Variants in SOX6 observed in about 807,000 individuals in gnomAD.
SOX6 encodes transcription factor SOX-6.
SOX6 carries 11 observed loss-of-function variants against 97.8 expected under a neutral mutation model. The observed-to-expected ratio is 0.11, with a 90% CI of 0.07 to 0.19. The LOEUF (loss-of-function observed/expected upper bound fraction) is 0.19. Ranked by LOEUF, SOX6 falls within the 10% of genes least tolerant of loss-of-function variation. The pLI, the probability that SOX6 is intolerant of heterozygous loss-of-function variation, is 1.00. For synonymous variants in SOX6, 360 were observed against 371.4 expected, an observed-to-expected ratio of 0.97 and a Z score of 0.35; for missense variants, 810 against 1,039.5, an observed-to-expected ratio of 0.78 and a Z score of 3.04.
At chr11:16,337,984 T>C (rs1273806088) in intron 2 of SOX6, among the ~76,000 whole-genome samples, 1 of 152,074 alleles carries the variant, frequency 6.6e-6, no homozygotes, top group Non-Finnish European at 1.5e-5. Flanking sequence ...TCACCTTCTC[T>C]GACAGAAAAC....
At chr11:16,205,949 A>G (rs912045311) in intron 4 of SOX6, among the ~76,000 whole-genome samples, 1 of 152,102 alleles carries the variant, frequency 6.6e-6, no homozygotes, top group Non-Finnish European at 1.5e-5. Flanking sequence ...TGCTAGAAAT[A>G]GTCCTTTAGT....
At chr11:16,040,256 A>G (rs1488419887) in intron 12 of SOX6, among the ~76,000 whole-genome samples, 1 of 152,066 alleles carries the variant, frequency 6.6e-6, no homozygotes, top group African/African-American at 2.4e-5. Context: ...ATAAATTCTC[A>G]CCATTTTTTT....
intron 1 of SOX6, among the ~76,000 whole-genome samples, chr11:16,461,014 C>G (rs1339544499): frequency 6.6e-6 from 1 of 152,010 alleles, no homozygotes; most frequent in Non-Finnish European, 1.5e-5. Flanking sequence ...AAAACTGTGT[C>G]TTTTTCCCAG....
intron 2 of SOX6, among the ~76,000 whole-genome samples, chr11:16,733,520 T>C (rs1245451123): frequency 1.3e-5 from 2 of 150,080 alleles, no homozygotes; most frequent in East Asian, 2.0e-4. Flanking sequence ...TAAGCGGCAG[T>C]TGAACAATGA....
chr11:16,469,549 T>C lies in SOX6; in HGVS notation c.-5+6766A>G, dbSNP rs181138474. On this transcript the variant is annotated intron_variant, in intron 1 of 15. Transcript: ENST00000396356. ...TGAAGACTGAAAGATAAAACTCAGCTATACTGGAAAAACCAGAATTCCTCT... is the reference window on the plus strand; with the variant it reads ...TGAAGACTGAAAGATAAAACTCAGCCATACTGGAAAAACCAGAATTCCTCT... Among the ~76,000 whole-genome samples, 15 of 152,244 alleles carry C rather than the reference T, an allele frequency of 9.9e-5. No homozygotes were observed. The East Asian group carries it at 2.9e-3, about 29-fold the overall frequency.
chr11:16,493,498 T>C (rs1298112514), intron 4 of SOX6, among the ~76,000 whole-genome samples: 1 of 151,214 alleles, frequency 6.6e-6, no homozygotes, highest in Non-Finnish European at 1.5e-5. Context: ...GGAAGGGGAG[T>C]AGTGGTTGGT....
chr11:16,381,543 A>AT (rs1214452412), intron 1 of SOX6, among the ~76,000 whole-genome samples: 1 of 151,868 alleles, frequency 6.6e-6, no homozygotes, highest in African/African-American at 2.4e-5. Flanking sequence ...CTCTGCTGCA[A>AT]TTTTTTAAGT....
At chr11:16,328,153 C>T (rs1043283011) in intron 2 of SOX6, among the ~76,000 whole-genome samples, 2 of 152,132 alleles carry the variant, frequency 1.3e-5, no homozygotes, top group Non-Finnish European at 2.9e-5. Flanking sequence ...CTACAACAAA[C>T]TTCTGCTTCT....
chr11:16,375,296 G>A (rs1857615395), intron 1 of SOX6, among the ~76,000 whole-genome samples: 1 of 152,058 alleles, frequency 6.6e-6, no homozygotes, highest in Non-Finnish European at 1.5e-5. Flanking sequence ...AATCTCTCCA[G>A]TTGAAATCAG....
intron 1 of SOX6, among the ~76,000 whole-genome samples, chr11:16,377,748 A>T (rs933398785): frequency 3.3e-5 from 5 of 152,178 alleles, no homozygotes; most frequent in African/African-American, 1.2e-4. Context: ...CTAGAAATTC[A>T]ACAATTTCGA....
At position 16,044,966 on chromosome 11, in the gene SOX6, GTCTATCTA is replaced by G. The variant is rs67426027; in HGVS notation, c.1623+1540_1623+1547del. On this transcript the variant is annotated intron_variant, in intron 12 of 15. Transcript: ENST00000683767. Reference sequence around the variant, plus strand: ...TATCTATCTATCTATCTGTCTATCTGTCTATCTATCTATCTATCTATCTATCATCTATG... The same window carrying G: ...TATCTATCTATCTATCTGTCTATCTGTCTATCTATCTATCTATCATCTATG... 1.5e-3 allele frequency among the ~76,000 whole-genome samples: 227 copies of G among 151,274 alleles called. 1 individual carries two copies. Among genetic ancestry groups the G allele is most frequent in the African/African-American group, 4.9e-3 (201 of 41,124 alleles).
chr11:16,169,194 T>C (rs1252838201), intron 6 of SOX6, among the ~76,000 whole-genome samples: 6 of 152,168 alleles, frequency 3.9e-5, no homozygotes, highest in Admixed American at 3.9e-4. Context: ...GAGCCCTTCA[T>C]TTATAGATAA....
At chr11:16,659,762 G>A (rs1383066684) in intron 3 of SOX6, among the ~76,000 whole-genome samples, 1 of 152,030 alleles carries the variant, frequency 6.6e-6, no homozygotes, top group Non-Finnish European at 1.5e-5. Context: ...TCTGGGCCTG[G>A]TACTTTGTAT....
chr11:16,640,888 G>A (rs1223305990), intron 3 of SOX6, among the ~76,000 whole-genome samples: 1 of 152,108 alleles, frequency 6.6e-6, no homozygotes, highest in South Asian at 2.1e-4. Flanking sequence ...TTTTTTAAGG[G>A]TTTTTTGTGT....
chr11:16,029,264 T>C (rs1590142191), intron 12 of SOX6, among the ~76,000 whole-genome samples: 1 of 152,164 alleles, frequency 6.6e-6, no homozygotes, highest in African/African-American at 2.4e-5. Context: ...TAACAGCACT[T>C]CTGCCCAGAT....
chr11:16,079,663 T>C (rs962912310), intron 9 of SOX6, among the ~76,000 whole-genome samples: 3 of 152,164 alleles, frequency 2.0e-5, no homozygotes, highest in African/African-American at 7.2e-5. Flanking sequence ...ACAAGAAATA[T>C]AAAATATCGT....
At chr11:16,504,578 G>A (rs1482800797) in intron 4 of SOX6, among the ~76,000 whole-genome samples, 1 of 150,196 alleles carries the variant, frequency 6.7e-6, no homozygotes, top group Non-Finnish European at 1.5e-5. Context: ...AAAAAAAAAT[G>A]AAGAGGACAC....
chr11:16,055,036 T>C (rs1468931758), intron 10 of SOX6, among the ~76,000 whole-genome samples: 1 of 152,134 alleles, frequency 6.6e-6, no homozygotes, highest in African/African-American at 2.4e-5. Context: ...CTATCACAAC[T>C]ATATGGCATC....
chr11:16,638,709 A>C (rs895128550), intron 3 of SOX6, among the ~76,000 whole-genome samples: 1 of 152,110 alleles, frequency 6.6e-6, no homozygotes, highest in Non-Finnish European at 1.5e-5. Flanking sequence ...TGGCTGCATA[A>C]ATGTCTTCTT....
Sources: allele counts gnomAD v4.1 joint callset (sites outside exome capture counted in the v4.1 genomes callset), GRCh38; gene constraint gnomAD v4.1.1; transcripts MANE v1.5; gene names NCBI Gene and HGNC (gene_info 2026-07-23, HGNC 2026-07-21).